Variants in RAI1 observed in about 807,000 individuals in gnomAD.
RAI1 encodes retinoic acid induced 1.
A neutral mutation model predicts 123.8 loss-of-function variants in RAI1; 9 were observed. The ratio of observed to expected loss-of-function variants is 0.07; its 90% CI spans 0.04 to 0.13. The LOEUF (loss-of-function observed/expected upper bound fraction) is 0.13. Among genes scored for constraint, RAI1 ranks in the 10% least tolerant of loss-of-function variants. The probability of loss-of-function intolerance (pLI) is 1.00; values close to 1 mark genes in which losing one functional copy is unlikely to be tolerated. For synonymous variants in RAI1, 1,231 were observed against 1,127.3 expected (o/e 1.09, Z -1.84); for missense variants, 2,256 against 2,545.8 (o/e 0.89, Z 2.45).
At chr17:17,741,553 C>T (rs1402737104) in intron 2 of RAI1, among the ~76,000 whole-genome samples, 4 of 152,240 alleles carry the variant, frequency 2.6e-5, no homozygotes, top group Admixed American at 6.5e-5. Flanking sequence ...CTGCCCTGGC[C>T]GCCTCCCTCA....
Position 17,800,184 on chromosome 17 carries a change from C to CCCTCTG in RAI1, c.5565+1671_5565+1672insCCTCTG, listed in dbSNP as rs2032408470. Among the ~76,000 whole-genome samples the CCCTCTG allele has an allele frequency of 2.4e-5, 1 of 41,110 alleles. No homozygotes were observed. The highest frequency in any genetic ancestry group is 4.1e-5 in the Non-Finnish European group (1 of 24,196). The allele number at this position is 41,110 out of a possible 152,430, so 27.0% of individuals were successfully genotyped here. Reference sequence around the variant, plus strand: ...TCCTGCTTTCTGTCTCTCTCTGTCTCTCTCTCTCTCTCTCTCTCTCTCTCT... The same window carrying CCCTCTG: ...TCCTGCTTTCTGTCTCTCTCTGTCTCCCTCTGTCTCTCTCTCTCTCTCTCTCTCTCT... On this transcript the variant is annotated intron_variant, in intron 3 of 5. Transcript: ENST00000353383. This position sits in a 1 kb window ranked among gnomAD's most constrained non-coding sequence, Gnocchi z 4.7.
At chr17:17,720,437 C>T (rs913295003) in intron 1 of RAI1, among the ~76,000 whole-genome samples, 2 of 152,196 alleles carry the variant, frequency 1.3e-5, no homozygotes, top group Non-Finnish European at 2.9e-5. Flanking sequence ...AGGAAGCCTG[C>T]CAGCCAGGCA....
intron 1 of RAI1, among the ~76,000 whole-genome samples, chr17:17,720,534 G>T (rs528252589): frequency 3.2e-4 from 49 of 152,330 alleles, no homozygotes; most frequent in African/African-American, 1.1e-3. Flanking sequence ...TGCCAGTAGG[G>T]TCTGATGGAG....
At chr17:17,682,359 G>C (rs1914459955) in intron 1 of RAI1, 1 of 150,140 alleles carries the variant, frequency 6.7e-6, no homozygotes, top group Admixed American at 6.7e-5. Flanking sequence ...AGCGGCCCCG[G>C]GGCCTGTGCG....
rs778095950 is a variant in RAI1 at position 17,794,323 on chromosome 17, G to A, written c.1375G>A (p.Val459Met). The A allele has an allele frequency of 1.9e-6, 3 of 1,613,008 alleles. No homozygotes were observed. Among genetic ancestry groups the A allele is most frequent in the Non-Finnish European group, 2.5e-6 (3 of 1,180,024 alleles). ...GCAGCTGCTGCTCTCCAAGGCTGCTGTGCCGCAGAAGAAAGGTGTCAAGAA... is the reference window on the plus strand; with the variant it reads ...GCAGCTGCTGCTCTCCAAGGCTGCTATGCCGCAGAAGAAAGGTGTCAAGAA... The part of the protein sequence containing the change: ...VQQLLLSKAA[V>M]PQKKGVKNLV... The change falls in exon 3 of 6, where the codon GTG becomes ATG. Residue 459 changes from valine (V) to methionine (M), a missense_variant. This residue lies in a region of RAI1 where 357 missense variants were observed against 480.2 expected (regional missense o/e 0.74). Transcript: ENST00000353383.
chr17:17,724,990 C>T (rs1916033191), intron 2 of RAI1, among the ~76,000 whole-genome samples: 1 of 7,566 alleles, frequency 1.3e-4, no homozygotes, highest in South Asian at 7.4e-3. Flanking sequence ...AATCTCGCAC[C>T]TCTGCCGGGG....
intron 2 of RAI1, among the ~76,000 whole-genome samples, chr17:17,755,193 G>A (rs1349068583): frequency 1.3e-5 from 2 of 152,232 alleles, no homozygotes; most frequent in Non-Finnish European, 2.9e-5. Flanking sequence ...CACCCCAAGA[G>A]CCTGGCAGCA....
rs946593982 is a variant in RAI1 at position 17,784,243 on chromosome 17, TG to T, written c.-16-8688del. On this transcript the variant is annotated intron_variant, in intron 2 of 5. Transcript: ENST00000353383. ...AGGTGGAACGGGGACTGGGAGGGGC[TG>T]GCCTGCTGTGCCTCCCCGGCTGTCA... Among the ~76,000 whole-genome samples the T allele has an allele frequency of 7.0e-3, 1,058 of 152,224 alleles. 12 individuals are homozygous for T. Among genetic ancestry groups the T allele is most frequent in the African/African-American group, 0.024 (1,008 of 41,540 alleles).
At chr17:17,691,276 C>T (rs745836565) in intron 1 of RAI1, among the ~76,000 whole-genome samples, 3 of 151,998 alleles carry the variant, frequency 2.0e-5, no homozygotes, top group East Asian at 1.9e-4. Flanking sequence ...AACATCCTAC[C>T]GCACAAGGCA....
At chr17:17,792,806 T>C in intron 2 of RAI1, 127 bp from the exon 3 acceptor site, 2 of 599,218 alleles carry the variant, frequency 3.3e-6, no homozygotes, top group Admixed American at 6.0e-5. Context: ...GGTGGGGAGG[T>C]GGGTGGGAGG....
chr17:17,695,896 T>C (rs988373239), intron 1 of RAI1, among the ~76,000 whole-genome samples: 5 of 152,196 alleles, frequency 3.3e-5, no homozygotes, highest in African/African-American at 1.2e-4. Context: ...GGCAGCTAAA[T>C]TGAATGTCGG....
Position 17,706,240 on chromosome 17 carries a change from T to C in RAI1, c.-148-17788T>C, listed in dbSNP as rs896314925. On this transcript the variant is annotated intron_variant, in intron 1 of 5. Coordinates refer to ENST00000353383, the MANE Select transcript of RAI1 (RefSeq NM_030665.4). ...AGGGAAGGAATGGCACTTGGGGGAG[T>C]GGGTCTGCTGGAGAAAGGCCTACAG... is the stretch of plus-strand genomic sequence containing the variant. Among the ~76,000 whole-genome samples the C allele has an allele frequency of 6.0e-5, 9 of 150,336 alleles. No individual in the cohort carries two copies. In the South Asian group the frequency reaches 1.9e-3, roughly 32 times the overall value.
intron 4 of RAI1, 70 bp downstream of exon 4, chr17:17,803,919 C>T: frequency 7.0e-7 from 1 of 1,421,790 alleles, no homozygotes; most frequent in Non-Finnish European, 9.9e-7. Flanking sequence ...CCTCCCTGGG[C>T]ACAGCTCCCC....
intron 2 of RAI1, among the ~76,000 whole-genome samples, chr17:17,774,546 C>T (rs1159593263): frequency 6.6e-6 from 1 of 152,250 alleles, no homozygotes; most frequent in Non-Finnish European, 1.5e-5. Flanking sequence ...CCGCCAGGCC[C>T]CTGTGCCAGG....
Position 17,793,679 on chromosome 17 carries a change from C to T in RAI1, c.731C>T (p.Ala244Val). 3 of 1,613,154 alleles carry T rather than the reference C, an allele frequency of 1.9e-6. No individual in the cohort carries two copies. Among genetic ancestry groups the T allele is most frequent in the Middle Eastern group, 1.6e-4 (1 of 6,062 alleles). Reference protein sequence around the residue: ...HSYKSCTAPTAQPHDRPLTAS... With the variant: ...HSYKSCTAPTVQPHDRPLTAS... ...TATAAGAGTTGCACAGCACCGACTGCCCAGCCCCATGACAGGCCGCTGACT... is the reference window on the plus strand; with the variant it reads ...TATAAGAGTTGCACAGCACCGACTGTCCAGCCCCATGACAGGCCGCTGACT... Residue 244 changes from alanine to valine, a missense_variant, in exon 3 of 6, where the codon GCC (alanine) becomes GTC (valine). By Grantham distance (64) the Ala-to-Val change is moderately conservative (BLOSUM62 0). Coordinates refer to ENST00000353383, the MANE Select transcript of RAI1 (RefSeq NM_030665.4).
At position 17,801,258 on chromosome 17, in the gene RAI1, A is replaced by G. The variant is rs1034386391; in HGVS notation, c.5566-2498A>G. ...GGAATGCTTGGGGTGAGAGGGACCC[A>G]TAGCGGGCTCCGGGCATTGTTAGGG... On this transcript the variant is annotated intron_variant, in intron 3 of 5. Transcript: ENST00000353383. This position sits in a 1 kb window ranked among gnomAD's most constrained non-coding sequence, Gnocchi z 4.1. 6.6e-6 allele frequency among the ~76,000 whole-genome samples: 1 copy of G among 152,132 alleles called. No individual in the cohort carries two copies. The highest frequency in any genetic ancestry group is 2.4e-5 in the African/African-American group (1 of 41,436).
In RAI1 at chr17:17,794,209, A is replaced by G. The variant is rs2032141027; in HGVS notation, c.1261A>G (p.Lys421Glu). Residue 421 changes from lysine to glutamate, a missense_variant, in exon 3 of 6, where the codon AAG becomes GAG. This residue lies in a region of RAI1 where 357 missense variants were observed against 480.2 expected (regional missense o/e 0.74). Transcript: ENST00000353383. ...AGNCKPLQKD[K>E]LPENLLSDLS... ...CAACTGCAAGCCCCTTCAGAAGGAC[A>G]AGCTCCCTGAGAACCTGCTGTCGGA... is the stretch of plus-strand genomic sequence containing the variant. 1.2e-6 allele frequency: 2 copies of G among 1,613,504 alleles called. No homozygotes were observed. The highest frequency in any genetic ancestry group is 1.7e-6 in the Non-Finnish European group (2 of 1,180,014).
intron 2 of RAI1, among the ~76,000 whole-genome samples, chr17:17,785,185 G>A (rs2031782095): frequency 6.6e-6 from 1 of 152,230 alleles, no homozygotes; most frequent in South Asian, 2.1e-4. Flanking sequence ...AACCAGTGCA[G>A]GCACTAGGGG....
At chr17:17,694,318 G>A (rs1009575437) in intron 1 of RAI1, among the ~76,000 whole-genome samples, 1 of 152,162 alleles carries the variant, frequency 6.6e-6, no homozygotes, top group African/African-American at 2.4e-5. Context: ...CGTCGCGGTG[G>A]AGACGCACGA....
Sources: allele counts gnomAD v4.1 joint callset (sites outside exome capture counted in the v4.1 genomes callset), GRCh38; gene constraint gnomAD v4.1.1; regional missense constraint gnomAD v4.1.1; non-coding constraint Gnocchi (gnomAD v3.1); transcripts MANE v1.5; gene names NCBI Gene and HGNC (gene_info 2026-07-23, HGNC 2026-07-21).